The following RBPJL variants were observed in gnomAD, a reference collection of about 807,000 sequenced individuals.
RBPJL encodes the protein recombination signal binding protein for immunoglobulin kappa J region like, also known as recombining binding protein suppressor of hairless-like protein.
In RBPJL, 50 loss-of-function variants were observed where a neutral mutation model predicts 57.6. That is an observed-to-expected ratio of 0.87 (90% CI 0.69 to 1.10). The LOEUF is 1.10. Ranked by LOEUF, RBPJL falls within the 50% of genes least tolerant of loss-of-function variation. The probability of loss-of-function intolerance (pLI) is 0.00; values close to 1 mark genes in which losing one functional copy is unlikely to be tolerated. For synonymous variants in RBPJL, 303 were observed against 294.4 expected, an observed-to-expected ratio of 1.03 and a Z score of -0.30; for missense variants, 684 against 693.7, an observed-to-expected ratio of 0.99 and a Z score of 0.16.
At chr20:45,313,631 C>G (rs1987309394) in intron 7 of RBPJL, 26 bp downstream of exon 7, 2 of 1,572,980 alleles carry the variant, frequency 1.3e-6, no homozygotes, top group Admixed American at 1.8e-5. Flanking sequence ...GGCCCTGGAG[C>G]TGGGCACTTC....
Position 45,316,519 on chromosome 20 carries a change from G to A in RBPJL, c.1219G>A (p.Glu407Lys). The A allele has an allele frequency of 6.5e-7, 1 of 1,543,512 alleles. No individual in the cohort carries two copies. Among genetic ancestry groups the A allele is most frequent in the Non-Finnish European group, 8.7e-7 (1 of 1,144,796 alleles). ...GDVATLELHGENFHAGLKVWF... is the reference protein window; with the variant it reads ...GDVATLELHGKNFHAGLKVWF... Reference sequence around the variant, plus strand: ...CGTGGCCACGCTGGAGCTCCACGGAGAGAACTTCCACGCGGGGCTCAAGGT... The same window carrying A: ...CGTGGCCACGCTGGAGCTCCACGGAAAGAACTTCCACGCGGGGCTCAAGGT... The change falls in exon 11 of 12, where the codon GAG becomes AAG. Residue 407 changes from glutamate (E) to lysine (K), a missense_variant. Transcript: ENST00000343694.
rs1436104673 is a variant in RBPJL, at chr20:45,316,724, C to A, written c.1319C>A (p.Ala440Glu). ...CTGGTGTGCGTGGTGCCGGACGTGGCGGCCTTCTGCAGCGACTGGCGCTGG... is the reference window on the plus strand; with the variant it reads ...CTGGTGTGCGTGGTGCCGGACGTGGAGGCCTTCTGCAGCGACTGGCGCTGG... Reference protein sequence around the residue: ...RSLVCVVPDVAAFCSDWRWLR... With the variant: ...RSLVCVVPDVEAFCSDWRWLR... The change falls in exon 12 of 12, where the codon GCG (alanine) becomes GAG (glutamate). Residue 440 changes from alanine (A) to glutamate (E), a missense_variant. Transcript: ENST00000343694. 3 of 1,612,106 alleles carry A rather than the reference C, an allele frequency of 1.9e-6. No individual in the cohort carries two copies. In the East Asian group the frequency reaches 6.7e-5, roughly 36 times the overall value.
At chr20:45,311,466 G>A (rs1987161828) in intron 3 of RBPJL, 123 bp from the exon 4 acceptor site, 2 of 829,226 alleles carry the variant, frequency 2.4e-6, no homozygotes, top group Admixed American at 4.5e-5. Context: ...TCGTGAAAAA[G>A]CGTTGCGGGG....
At chr20:45,315,728 G>A (rs573613888) in intron 9 of RBPJL, among the ~76,000 whole-genome samples, 6 of 144,044 alleles carry the variant, frequency 4.2e-5, no homozygotes, top group Admixed American at 2.1e-4. Flanking sequence ...GCGACAGAGC[G>A]AGATTCAGTC....
chr20:45,317,098 G>T lies in RBPJL; in HGVS notation c.*139G>T. 9.3e-7 allele frequency: 1 copy of T among 1,071,332 alleles called. No individual in the cohort carries two copies. Among genetic ancestry groups the T allele is most frequent in the Non-Finnish European group, 1.3e-6 (1 of 751,344 alleles). 66.4% of individuals were successfully genotyped at this position (1,071,332 alleles called of 1,614,324 possible). A position where few individuals can be genotyped will look rare whatever the true frequency, so the allele number is the denominator to read the frequency against. The stretch of plus-strand genomic sequence containing the variant: ...GCTGAAGGCTCACCCTAGAAACCGG[G>T]CCTGGTGGGTCTTACCCGGCTCACT... On this transcript the variant is annotated 3_prime_UTR_variant, in exon 12 of 12. Transcript: ENST00000343694.
At chr20:45,316,036 G>A (rs1423500977) in intron 9 of RBPJL, 151 bp from the exon 10 acceptor site, 2 of 598,326 alleles carry the variant, frequency 3.3e-6, no homozygotes, top group Non-Finnish European at 2.9e-6. Context: ...GAACTTAAGG[G>A]CACTGTCCAA....
rs371475072 is a variant in RBPJL, at chr20:45,314,170, A to C, written c.867+26A>C. The stretch of plus-strand genomic sequence containing the variant: ...GTATAGGAAGGGAGGGCATGCCTGG[A>C]GGGGTCCCCTCAGATCCATGCAGAG... On this transcript the variant is annotated intron_variant, in intron 8 of 11. Coordinates refer to ENST00000343694, the MANE Select transcript of RBPJL (RefSeq NM_014276.4). The C allele has an allele frequency of 3.0e-5, 47 of 1,582,774 alleles. No individual in the cohort carries two copies. The East Asian group carries it at 1.0e-3, about 35-fold the overall frequency.
intron 3 of RBPJL, among the ~76,000 whole-genome samples, chr20:45,310,532 G>C (rs1371460419): frequency 6.6e-6 from 1 of 151,948 alleles, no homozygotes; most frequent in South Asian, 2.1e-4. Flanking sequence ...GGTTGAACCC[G>C]GGAGGCGGAG....
Position 45,313,625 on chromosome 20 carries a change from C to T in RBPJL, c.757+20C>T, listed in dbSNP as rs762703065. The T allele has an allele frequency of 6.3e-7, 1 of 1,587,132 alleles. No homozygotes were observed. The highest frequency in any genetic ancestry group is 2.3e-5 in the East Asian group (1 of 44,350). On this transcript the variant is annotated intron_variant, in intron 7 of 11. Transcript: ENST00000343694. ...ACCTGGGTAATGACATCTGCAGGCC[C>T]TGGAGCTGGGCACTTCACATGCATT...
chr20:45,308,412 G>C (rs926836747), intron 2 of RBPJL, 161 bp downstream of exon 2: 6 of 599,874 alleles, frequency 1.0e-5, no homozygotes, highest in Middle Eastern at 4.5e-4. Flanking sequence ...CCTCCTGAGG[G>C]GGGGCAAACC....
rs778394134 is a variant in RBPJL at position 45,309,639 on chromosome 20, T to C, written c.204T>C (p.Thr68=). ...GCCTGCAGCAACAGTGTGAACAGACTGTGCGGATCCTGCATGCCAAGGTGG... is the reference window on the plus strand; with the variant it reads ...GCCTGCAGCAACAGTGTGAACAGACCGTGCGGATCCTGCATGCCAAGGTGG... ...RRCLQQQCEQ[T]VRILHAKVAQ... is the part of the protein sequence containing the mutation. The change falls in exon 3 of 12, where the codon ACT becomes ACC. Residue 68 remains threonine, a synonymous_variant. Coordinates refer to ENST00000343694, the MANE Select transcript of RBPJL (RefSeq NM_014276.4). The C allele has an allele frequency of 1.9e-6, 3 of 1,613,680 alleles. No individual in the cohort carries two copies. The East Asian group carries it at 6.7e-5, about 36-fold the overall frequency.
intron 7 of RBPJL, among the ~76,000 whole-genome samples, 191 bp from the exon 8 acceptor site, chr20:45,313,844 G>T (rs974195997): frequency 6.6e-6 from 1 of 152,202 alleles, no homozygotes; most frequent in Non-Finnish European, 1.5e-5. Context: ...TGCCCCCAGG[G>T]CAGACATTTG....
intron 3 of RBPJL, among the ~76,000 whole-genome samples, chr20:45,310,285 A>C (rs1987092548): frequency 6.6e-6 from 1 of 152,164 alleles, no homozygotes; most frequent in Non-Finnish European, 1.5e-5. Context: ...AGACAGGAGA[A>C]TATCTGGGGA....
At chr20:45,308,052 G>A (rs1440271123) in intron 1 of RBPJL, 91 bp from the exon 2 acceptor site, 1 of 828,552 alleles carries the variant, frequency 1.2e-6, no homozygotes, top group East Asian at 2.5e-5. Flanking sequence ...CAGAAGTGGG[G>A]AAGGGCACTG....
At chr20:45,312,057 G>A (rs1987202323) in intron 5 of RBPJL, 103 bp downstream of exon 5, 1 of 1,424,612 alleles carries the variant, frequency 7.0e-7, no homozygotes, top group African/African-American at 1.4e-5. Context: ...GATAGGTGGG[G>A]AGACCGGGAG....
In RBPJL at chr20:45,313,478, C is replaced by A. The variant is rs950179434; in HGVS notation, c.630C>A (p.Ser210=). 4.3e-6 allele frequency: 7 copies of A among 1,612,610 alleles called. No individual in the cohort carries two copies. Among genetic ancestry groups the A allele is most frequent in the Non-Finnish European group, 5.9e-6 (7 of 1,179,206 alleles). The change falls in exon 7 of 12, where the codon TCC becomes TCA. Residue 210 remains serine, a synonymous_variant. Transcript: ENST00000343694. ...CCCTCACCCTCACAGTGTGCATATC[C>A]TCCGGCTCAAAGGTCTCCCTCTTCA... ...QSLKNTDLCI[S]SGSKVSLFNR... is the part of the protein sequence containing the mutation.
rs1987513397 is a variant in RBPJL, at chr20:45,317,008, C to T, written c.*49C>T. 2 of 1,567,558 alleles carry T rather than the reference C, an allele frequency of 1.3e-6. No individual in the cohort carries two copies. The highest frequency in any genetic ancestry group is 4.5e-5 in the East Asian group (2 of 44,366). On this transcript the variant is annotated 3_prime_UTR_variant, in exon 12 of 12. Transcript: ENST00000343694. Reference sequence around the variant, plus strand: ...CCACCCTGGAGGGCTGCGCCCGCGCCAGGCGCGGGGACGTGTTTCTGGGTT... The same window carrying T: ...CCACCCTGGAGGGCTGCGCCCGCGCTAGGCGCGGGGACGTGTTTCTGGGTT...
rs774061165 is a variant in RBPJL, at chr20:45,308,234, C to A, written c.114C>A (p.Leu38=). ...AGAGCGAAGCCGACAGGCGGAGCCT[C>A]CCGGGCACTTGGACCAGGTAACGGC... The part of the protein sequence containing the change: ...QLQSEADRRS[L]PGTWTRSSPE... Residue 38 remains leucine, a synonymous_variant, in exon 2 of 12, where the codon CTC becomes CTA. Coordinates refer to ENST00000343694, the MANE Select transcript of RBPJL (RefSeq NM_014276.4). 6.2e-7 allele frequency: 1 copy of A among 1,613,418 alleles called. No individual in the cohort carries two copies. Among genetic ancestry groups the A allele is most frequent in the Admixed American group, 1.7e-5 (1 of 60,022 alleles).
Position 45,311,609 on chromosome 20 carries a change from G to A in RBPJL, c.278G>A (p.Cys93Tyr), listed in dbSNP as rs1381167515. 6.2e-7 allele frequency: 1 copy of A among 1,614,214 alleles called. No individual in the cohort carries two copies. The change falls in exon 4 of 12, where the codon TGT becomes TAT. Residue 93 changes from cysteine to tyrosine, a missense_variant. Coordinates refer to ENST00000343694, the MANE Select transcript of RBPJL (RefSeq NM_014276.4). ...NEKRFFCPPP[C>Y]VYLSGPGWRV... ...CGCAGGTTCTTCTGCCCCCCGCCCTGTGTCTACCTCTCGGGGCCTGGCTGG... is the reference window on the plus strand; with the variant it reads ...CGCAGGTTCTTCTGCCCCCCGCCCTATGTCTACCTCTCGGGGCCTGGCTGG...
Sources: gnomAD v4.1 joint callset for allele counts (sites outside exome capture counted in the v4.1 genomes callset) on GRCh38, gnomAD v4.1.1 for gene constraint, MANE v1.5 for transcripts, NCBI Gene and HGNC (gene_info 2026-07-23, HGNC 2026-07-21) for gene names.